The following RBFOX1 variants were observed in gnomAD, a reference collection of about 807,000 sequenced individuals.
The protein encoded by RBFOX1 is RNA binding protein fox-1 homolog 1.
In RBFOX1, 8 loss-of-function variants were observed where a neutral mutation model predicts 57.7. The observed-to-expected ratio is 0.14, with a 90% CI of 0.08 to 0.25. The LOEUF (loss-of-function observed/expected upper bound fraction) is 0.25, where lower values mean the gene tolerates loss of function less well. Ranked by LOEUF, RBFOX1 falls within the 10% of genes least tolerant of loss-of-function variation. The pLI is 1.00. For missense variants in RBFOX1, 611 were observed against 548.5 expected (o/e 1.11, Z -1.14); for synonymous variants, 326 against 222.4 (o/e 1.47, Z -4.15).
intron 4 of RBFOX1, among the ~76,000 whole-genome samples, chr16:7,076,352 A>G (rs2058299493): frequency 1.3e-5 from 2 of 152,102 alleles, no homozygotes; most frequent in Admixed American, 1.3e-4. Context: ...TTATGGTAGA[A>G]TTAAGTAGAA....
chr16:7,586,419 G>C (rs2094129554), intron 6 of RBFOX1, among the ~76,000 whole-genome samples: 1 of 152,112 alleles, frequency 6.6e-6, no homozygotes, highest in African/African-American at 2.4e-5. Flanking sequence ...TTCTCACTGG[G>C]ACTTCCAGAT....
At chr16:6,915,752 A>G (rs1003286223) in intron 3 of RBFOX1, among the ~76,000 whole-genome samples, 1 of 151,922 alleles carries the variant, frequency 6.6e-6, no homozygotes, top group Non-Finnish European at 1.5e-5. Context: ...GGGTTTTGCC[A>G]TGTTGCCCAT....
At chr16:7,342,321 C>T (rs1385146673) in intron 4 of RBFOX1, among the ~76,000 whole-genome samples, 1 of 152,114 alleles carries the variant, frequency 6.6e-6, no homozygotes, top group Non-Finnish European at 1.5e-5. Context: ...GCTTCCAACT[C>T]AGATCTTCCC....
chr16:6,028,662 C>A (rs910508215), intron 1 of RBFOX1, among the ~76,000 whole-genome samples: 1 of 151,918 alleles, frequency 6.6e-6, no homozygotes, highest in African/African-American at 2.4e-5. Flanking sequence ...TCCTTGGCAA[C>A]AGAGCAAGAC....
At chr16:6,193,894 A>T (rs1271718754) in intron 1 of RBFOX1, among the ~76,000 whole-genome samples, 4 of 152,022 alleles carry the variant, frequency 2.6e-5, no homozygotes, top group African/African-American at 9.6e-5. Flanking sequence ...GCATTGCCTC[A>T]TCTTCCTGTG....
chr16:6,564,546 C>G lies in RBFOX1; in HGVS notation c.-63-90057C>G, dbSNP rs181616291. The stretch of plus-strand genomic sequence containing the variant: ...CGTGCTAAGTGAGATAAGCCAGGCA[C>G]AGAATGACAAATACCGCATGATCTC... On this transcript the variant is annotated intron_variant, in intron 2 of 15. Transcript: ENST00000550418. Among the ~76,000 whole-genome samples, 198 of 152,086 alleles carry G rather than the reference C, an allele frequency of 1.3e-3. 2 individuals carry two copies. In the Middle Eastern group the frequency reaches 0.02, roughly 16 times the overall value.
chr16:6,340,602 G>C (rs550644550), intron 2 of RBFOX1, among the ~76,000 whole-genome samples: 1 of 152,302 alleles, frequency 6.6e-6, no homozygotes, highest in East Asian at 1.9e-4. Flanking sequence ...TTTGTAAACT[G>C]TCATGGCACT....
chr16:5,710,003 G>C (rs1567430983), intron 3 of RBFOX1, among the ~76,000 whole-genome samples: 1 of 150,396 alleles, frequency 6.6e-6, no homozygotes, highest in East Asian at 2.0e-4. Context: ...AGGCGCATTG[G>C]GTTCTACAGC....
chr16:7,131,992 T>A (rs935517584), intron 4 of RBFOX1, among the ~76,000 whole-genome samples: 1 of 112,034 alleles, frequency 8.9e-6, no homozygotes, highest in African/African-American at 3.3e-5. Context: ...AGTCCTTTTT[T>A]TCTTTCTTTT....
chr16:7,345,196 C>G (rs1448545128), intron 4 of RBFOX1, among the ~76,000 whole-genome samples: 1 of 152,180 alleles, frequency 6.6e-6, no homozygotes, highest in Non-Finnish European at 1.5e-5. Context: ...TCAAACATGT[C>G]AGTTACTCCC....
At chr16:6,938,036 T>C (rs959444041) in intron 3 of RBFOX1, among the ~76,000 whole-genome samples, 1 of 151,678 alleles carries the variant, frequency 6.6e-6, no homozygotes, top group Non-Finnish European at 1.5e-5. Context: ...TCTGTAGAAA[T>C]GGGAGCTAAT....
rs190255776 is a variant in RBFOX1 at position 5,892,621 on chromosome 16, G to T, written c.351+25286G>T. On this transcript the variant is annotated intron_variant, in intron 4 of 19. Transcript: ENST00000641259. ...TTTGTGAAACAGTGAATGGTGGAAT[G>T]CATCGCGGAATCTTGTAGAAGCTCT... Among the ~76,000 whole-genome samples, 149 of 152,346 alleles carry T rather than the reference G, an allele frequency of 9.8e-4. 2 individuals carry two copies. The highest frequency in any genetic ancestry group is 4.6e-4 in the Non-Finnish European group (31 of 68,036).
chr16:6,415,421 C>A (rs964951624), intron 2 of RBFOX1, among the ~76,000 whole-genome samples: 2 of 151,830 alleles, frequency 1.3e-5, no homozygotes, highest in African/African-American at 4.8e-5. Context: ...CTGGGCCGGG[C>A]GTGGTGGCTC....
intron 3 of RBFOX1, among the ~76,000 whole-genome samples, chr16:5,797,563 C>G (rs1233151423): frequency 1.3e-5 from 2 of 152,204 alleles, no homozygotes; most frequent in Non-Finnish European, 2.9e-5. Context: ...ATTTTATTCA[C>G]TTCTGAGCCC....
intron 1 of RBFOX1, among the ~76,000 whole-genome samples, chr16:6,071,349 C>A (rs760636593): frequency 6.6e-6 from 1 of 151,888 alleles, no homozygotes; most frequent in African/African-American, 2.4e-5. Context: ...AACAAAGAAA[C>A]GGTAATGTAA....
At chr16:7,493,738 C>A (rs915517841) in intron 4 of RBFOX1, among the ~76,000 whole-genome samples, 1 of 152,136 alleles carries the variant, frequency 6.6e-6, no homozygotes, top group Non-Finnish European at 1.5e-5. Context: ...CCTCCAGAGC[C>A]CTGGTGACAC....
intron 11 of RBFOX1, among the ~76,000 whole-genome samples, chr16:7,649,456 C>T (rs1368920374): frequency 6.6e-6 from 1 of 152,204 alleles, no homozygotes; most frequent in Non-Finnish European, 1.5e-5. Flanking sequence ...ACCTAACTTT[C>T]TGGAAATGTA....
intron 1 of RBFOX1, among the ~76,000 whole-genome samples, chr16:5,403,779 A>G (rs146470732): frequency 6.6e-6 from 1 of 152,254 alleles, no homozygotes; most frequent in East Asian, 1.9e-4. Flanking sequence ...GGTGCTAAAG[A>G]AAGGAAAAAT....
chr16:5,401,691 T>C (rs1267121384), intron 1 of RBFOX1, among the ~76,000 whole-genome samples: 1 of 152,094 alleles, frequency 6.6e-6, no homozygotes, highest in African/African-American at 2.4e-5. Context: ...AGATTGGAAA[T>C]TCACACTTTC....
Sources: gnomAD v4.1 joint callset for allele counts (sites outside exome capture counted in the v4.1 genomes callset) on GRCh38, gnomAD v4.1.1 for gene constraint, MANE v1.5 for transcripts, NCBI Gene and HGNC (gene_info 2026-07-23, HGNC 2026-07-21) for gene names.